USH2A: variants seen among roughly 807,000 people sequenced by gnomAD.
USH2A encodes usherin, also known as Usher syndrome 2A (autosomal recessive, mild).
Under a neutral mutation model 538.9 loss-of-function variants are expected in USH2A, and 443 were observed. That is an observed-to-expected ratio of 0.82 (90% CI 0.76 to 0.89). The LOEUF is 0.89. Ranked by LOEUF, USH2A falls within the 40% of genes least tolerant of loss-of-function variation. The pLI, the probability that USH2A is intolerant of heterozygous loss-of-function variation, is 0.00. For synonymous variants in USH2A, 2,413 were observed against 2,273.5 expected (o/e 1.06, Z -1.75); for missense variants, 6,633 against 6,324.8 (o/e 1.05, Z -1.65).
At chr1:215,996,342 C>T (rs1197302189) in intron 34 of USH2A, among the ~76,000 whole-genome samples, 2 of 152,110 alleles carry the variant, frequency 1.3e-5, no homozygotes, top group Admixed American at 1.3e-4. Context: ...AAAAGTGAAG[C>T]CACTTCCAGG....
intron 61 of USH2A, among the ~76,000 whole-genome samples, chr1:215,723,961 T>C (rs996108716): frequency 6.6e-6 from 1 of 152,140 alleles, no homozygotes; most frequent in Non-Finnish European, 1.5e-5. Flanking sequence ...TAAATCATTA[T>C]ATTAAAAAAG....
chr1:216,072,620 C>A, intron 29 of USH2A: 1 of 487,924 alleles, frequency 2.0e-6, no homozygotes, highest in Non-Finnish European at 3.7e-6. Flanking sequence ...ACTATTACAT[C>A]CTTAAGACAA....
intron 30 of USH2A, among the ~76,000 whole-genome samples, chr1:216,061,814 C>T (rs2031194504): frequency 6.6e-6 from 1 of 152,162 alleles, no homozygotes; most frequent in Admixed American, 6.5e-5. Flanking sequence ...CAAACCCAAA[C>T]TTAAACTGGA....
chr1:215,643,539 T>C (rs1030762041), intron 67 of USH2A, among the ~76,000 whole-genome samples: 2 of 151,290 alleles, frequency 1.3e-5, no homozygotes, highest in African/African-American at 4.9e-5. Context: ...TTTTTTTTTT[T>C]CTTAAAGACC....
intron 32 of USH2A, among the ~76,000 whole-genome samples, chr1:216,030,606 G>A (rs1483223390): frequency 7.2e-6 from 1 of 139,758 alleles, no homozygotes; most frequent in Non-Finnish European, 1.5e-5. Context: ...ATATATAAAT[G>A]ATATATAGAT....
chr1:216,009,629 G>A (rs560836016), intron 32 of USH2A, among the ~76,000 whole-genome samples: 1 of 152,132 alleles, frequency 6.6e-6, no homozygotes, highest in African/African-American at 2.4e-5. Flanking sequence ...GCGTGGCTGA[G>A]TCTTTCTAAC....
chr1:215,934,571 G>C, intron 38 of USH2A, 45 bp downstream of exon 38: 1 of 1,583,020 alleles, frequency 6.3e-7, no homozygotes, highest in East Asian at 2.2e-5. Flanking sequence ...CTTAATTCTA[G>C]GGCATTTATA....
At chr1:215,804,700 T>C (rs568999829) in intron 49 of USH2A, among the ~76,000 whole-genome samples, 1 of 152,024 alleles carries the variant, frequency 6.6e-6, no homozygotes. Flanking sequence ...TGTAAACTAG[T>C]TCAACCATTG....
At chr1:216,216,757 T>C (rs2035350080) in intron 15 of USH2A, among the ~76,000 whole-genome samples, 1 of 152,128 alleles carries the variant, frequency 6.6e-6, no homozygotes, top group Admixed American at 6.6e-5. Flanking sequence ...AGTCAAAAGA[T>C]ACTTACATGT....
At chr1:216,334,456 T>G (rs2037931646) in intron 4 of USH2A, among the ~76,000 whole-genome samples, 1 of 151,940 alleles carries the variant, frequency 6.6e-6, no homozygotes, top group African/African-American at 2.4e-5. Flanking sequence ...AACAGCAAAG[T>G]GACATTGTAA....
At chr1:216,035,099 T>A (rs1669217625) in intron 32 of USH2A, among the ~76,000 whole-genome samples, 1 of 152,202 alleles carries the variant, frequency 6.6e-6, no homozygotes. Flanking sequence ...TTAAATTCTC[T>A]AATATGTTTT....
At chr1:216,258,130 T>C (rs1405994336) in intron 11 of USH2A, among the ~76,000 whole-genome samples, 5 of 152,128 alleles carry the variant, frequency 3.3e-5, no homozygotes. Flanking sequence ...TCTTGTTAGG[T>C]ACTACATATT....
At chr1:215,968,639 T>G (rs1667417703) in intron 36 of USH2A, among the ~76,000 whole-genome samples, 1 of 152,156 alleles carries the variant, frequency 6.6e-6, no homozygotes, top group South Asian at 2.1e-4. Flanking sequence ...AGTATTTCCC[T>G]GCATGTGTGG....
chr1:216,046,705 A>G lies in USH2A; in HGVS notation c.6164-113T>C, dbSNP rs56174811. 6,540 of 1,273,380 alleles carry G rather than the reference A, an allele frequency of 5.1e-3. 26 individuals are homozygous for G. Among genetic ancestry groups the G allele is most frequent in the Non-Finnish European group, 6.6e-3 (5,893 of 893,464 alleles). 78.9% of individuals were successfully genotyped at this position (1,273,380 alleles called of 1,614,324 possible). ...AACCTGAAATCCCATGCATGGAAATATTCCCGATTCGTGGGCAGCTTGTCA... is the reference window on the plus strand; with the variant it reads ...AACCTGAAATCCCATGCATGGAAATGTTCCCGATTCGTGGGCAGCTTGTCA... On this transcript the variant is annotated intron_variant, in intron 31 of 71. Coordinates refer to ENST00000307340, the MANE Select transcript of USH2A (RefSeq NM_206933.4).
intron 64 of USH2A, 62 bp from the exon 65 acceptor site, chr1:215,650,863 A>T: frequency 6.3e-7 from 1 of 1,580,094 alleles, no homozygotes. Flanking sequence ...GAAAAAAAAA[A>T]AAAAAAGAAA....
At chr1:215,941,358 A>T in intron 37 of USH2A, among the ~76,000 whole-genome samples, 1 of 152,134 alleles carries the variant, frequency 6.6e-6, no homozygotes, top group Non-Finnish European at 1.5e-5. Flanking sequence ...AAATTCAGAG[A>T]TGTACTGTGA....
At chr1:216,269,836 G>A (rs993627322) in intron 11 of USH2A, among the ~76,000 whole-genome samples, 7 of 152,112 alleles carry the variant, frequency 4.6e-5, no homozygotes, top group Admixed American at 3.3e-4. Context: ...TCAACCGGGT[G>A]ACAATTGTCA....
chr1:216,363,593 A>G (rs2038537145), intron 4 of USH2A, among the ~76,000 whole-genome samples: 1 of 152,108 alleles, frequency 6.6e-6, no homozygotes, highest in South Asian at 2.1e-4. Flanking sequence ...GGAAATGTAG[A>G]TATAGACACA....
intron 47 of USH2A, among the ~76,000 whole-genome samples, chr1:215,828,488 C>T (rs1439575203): frequency 1.3e-5 from 2 of 152,034 alleles, no homozygotes; most frequent in African/African-American, 2.4e-5. Flanking sequence ...TCATTAATAA[C>T]GATAGTGGTT....
Sources: allele counts gnomAD v4.1 joint callset (sites outside exome capture counted in the v4.1 genomes callset), GRCh38; gene constraint gnomAD v4.1.1; transcripts MANE v1.5; gene names NCBI Gene and HGNC (gene_info 2026-07-23, HGNC 2026-07-21).